ZNF558: variants seen among roughly 807,000 people sequenced by gnomAD.
The protein encoded by ZNF558 is zinc finger protein 558.
A neutral mutation model predicts 37.6 loss-of-function variants in ZNF558; 23 were observed. The observed-to-expected ratio is 0.61, with a 90% CI of 0.44 to 0.87. The LOEUF is 0.87. Ranked by LOEUF, ZNF558 falls within the 40% of genes least tolerant of loss-of-function variation. The pLI is 0.00. For missense variants in ZNF558, 429 were observed against 483.7 expected, an observed-to-expected ratio of 0.89 and a Z score of 1.06; for synonymous variants, 189 against 174.4, an observed-to-expected ratio of 1.08 and a Z score of -0.66.
upstream of ZNF558, among the ~76,000 whole-genome samples, chr19:8,836,780 A>G (rs1265925695): frequency 1.3e-5 from 2 of 152,174 alleles, no homozygotes; most frequent in Non-Finnish European, 2.9e-5. Flanking sequence ...GCATGACCCC[A>G]TCGTATCCAG....
Position 8,811,161 on chromosome 19 carries a change from T to A in ZNF558, c.*120A>T. The A allele has an allele frequency of 9.1e-7, 1 of 1,101,134 alleles. No individual in the cohort carries two copies. Among genetic ancestry groups the A allele is most frequent in the South Asian group, 1.8e-5 (1 of 55,924 alleles). The allele number at this position is 1,101,134 out of a possible 1,614,324, so 68.2% of individuals were successfully genotyped here. The stretch of plus-strand genomic sequence containing the variant: ...ACATTTCGTGTTTGAAGCCACAAAA[T>A]TTGCGGGGATCATTTGTTATGCTGC... On this transcript the variant is annotated 3_prime_UTR_variant, in exon 10 of 10. Coordinates refer to ENST00000601372, the MANE Select transcript of ZNF558 (RefSeq NM_144693.3).
chr19:8,807,543 C>T lies in ZNF558; in HGVS notation c.*3738G>A, dbSNP rs1199842177. 6.6e-6 allele frequency: 1 copy of T among 152,194 alleles called. No individual in the cohort carries two copies. The highest frequency in any genetic ancestry group is 6.6e-5 in the Admixed American group (1 of 15,266). 9.4% of individuals were successfully genotyped at this position (152,194 alleles called of 1,614,324 possible). ...ATCATCTTTTACTGCTCCCTCATCA[C>T]CCCTTTGTTCCACTCCAGCTGTATT... On this transcript the variant is annotated 3_prime_UTR_variant, in exon 10 of 10. Transcript: ENST00000601372.
intron 3 of ZNF558, among the ~76,000 whole-genome samples, 178 bp from the exon 4 acceptor site, chr19:8,824,595 G>A (rs555396359): frequency 6.6e-6 from 1 of 152,302 alleles, no homozygotes; most frequent in Admixed American, 6.5e-5. Context: ...GTTGCTGCCA[G>A]CACTGCAACC....
At chr19:8,829,463 A>G (rs1035666600) in intron 2 of ZNF558, among the ~76,000 whole-genome samples, 3 of 152,210 alleles carry the variant, frequency 2.0e-5, no homozygotes, top group Admixed American at 1.3e-4. Flanking sequence ...CTCAAGCTAA[A>G]TATCCTTCCC....
At chr19:8,821,144 G>A in intron 7 of ZNF558, 36 bp downstream of exon 7, 1 of 1,607,134 alleles carries the variant, frequency 6.2e-7, no homozygotes, top group Non-Finnish European at 8.5e-7. Context: ...TGCCACTGGA[G>A]TCATTAAATA....
At chr19:8,835,230 TTA>T (rs1258786691), upstream of ZNF558, among the ~76,000 whole-genome samples, 1 of 152,092 alleles carries the variant, frequency 6.6e-6, no homozygotes, top group Non-Finnish European at 1.5e-5. Flanking sequence ...TTTTGTATTT[TTA>T]GCAGAGAGAG....
At chr19:8,818,688 A>G (rs998249417) in intron 7 of ZNF558, among the ~76,000 whole-genome samples, 1 of 152,232 alleles carries the variant, frequency 6.6e-6, no homozygotes, top group Non-Finnish European at 1.5e-5. Context: ...AACTTACTAC[A>G]ATGTAACAAT....
In ZNF558 at chr19:8,810,928, T is replaced by C. The variant is rs1337622524; in HGVS notation, c.*353A>G. On this transcript the variant is annotated 3_prime_UTR_variant, in exon 10 of 10. Coordinates refer to ENST00000601372, the MANE Select transcript of ZNF558 (RefSeq NM_144693.3). Reference sequence around the variant, plus strand: ...GTAAAGAGGCCTACATGGTAATGACTGAAGGTCCCCTGACAACAACCAACA... The same window carrying C: ...GTAAAGAGGCCTACATGGTAATGACCGAAGGTCCCCTGACAACAACCAACA... The C allele has an allele frequency of 5.1e-6, 1 of 195,708 alleles. No individual in the cohort carries two copies. The highest frequency in any genetic ancestry group is 1.1e-4 in the South Asian group (1 of 9,170). The allele number at this position is 195,708 out of a possible 1,614,324, so 12.1% of individuals were successfully genotyped here.
rs1555767962 is a variant in ZNF558 at position 8,811,489 on chromosome 19, G to A, written c.1001C>T (p.Ser334Phe). The change falls in exon 10 of 10, where the codon TCT becomes TTT. Residue 334 changes from serine to phenylalanine, a missense_variant. By Grantham distance (155) the Ser-to-Phe change is radical. Coordinates refer to ENST00000601372, the MANE Select transcript of ZNF558 (RefSeq NM_144693.3). ...ECGKSFSSSF[S>F]LTVHKRIHTG... ...ATGTATTCTCTTGTGCACAGTAAGA[G>A]AAAAGCTACTGCTGAAGGATTTCCC... The A allele has an allele frequency of 6.2e-7, 1 of 1,614,082 alleles. No individual in the cohort carries two copies. Among genetic ancestry groups the A allele is most frequent in the African/African-American group, 1.3e-5 (1 of 75,046 alleles).
upstream of ZNF558, among the ~76,000 whole-genome samples, chr19:8,833,711 G>A (rs2044416354): frequency 6.6e-6 from 1 of 152,002 alleles, no homozygotes; most frequent in South Asian, 2.1e-4. Flanking sequence ...AGTGCTGGTT[G>A]GACCTGGTGG....
At position 8,810,383 on chromosome 19, in the gene ZNF558, G is replaced by A. The variant is rs1325366513; in HGVS notation, c.*898C>T. ...GTCTTAAGGGATGACTGTCACTGAA[G>A]CCTTCTGAGACCTTCACAGGTTTTC... On this transcript the variant is annotated 3_prime_UTR_variant, in exon 10 of 10. Coordinates refer to ENST00000601372, the MANE Select transcript of ZNF558 (RefSeq NM_144693.3). The A allele has an allele frequency of 6.6e-6, 1 of 152,120 alleles. No homozygotes were observed. The highest frequency in any genetic ancestry group is 2.4e-5 in the African/African-American group (1 of 41,426). The allele number at this position is 152,120 out of a possible 1,614,324, so 9.4% of individuals were successfully genotyped here. A position where few individuals can be genotyped will look rare whatever the true frequency, so the allele number is the denominator to read the frequency against.
rs782113492 is a variant in ZNF558, at chr19:8,811,651, G to A, written c.839C>T (p.Thr280Ile). Residue 280 changes from threonine (T) to isoleucine (I), a missense_variant, in exon 10 of 10, where the codon ACT becomes ATT. By Grantham distance (89) the Thr-to-Ile change is moderately conservative. Transcript: ENST00000601372. ...CCCTGTATGAATGCTATTGTGCCCA[G>A]TGAGAGAGGACCTTGTGCTGAAAGC... ...GKAFSTRSSLTGHNSIHTGEK... is the reference protein window; with the variant it reads ...GKAFSTRSSLIGHNSIHTGEK... The A allele has an allele frequency of 1.2e-6, 2 of 1,614,206 alleles. No homozygotes were observed. Among genetic ancestry groups the A allele is most frequent in the Non-Finnish European group, 1.7e-6 (2 of 1,180,040 alleles).
At position 8,811,456 on chromosome 19, in the gene ZNF558, T is replaced by A. The variant is rs782601160; in HGVS notation, c.1034A>T (p.Glu345Val). ...ACAGTCACTGCACTCGTAGGGTTTC[T>A]CTCCGGTATGTATTCTCTTGTGCAC... ...LTVHKRIHTG[E>V]KPYECSDCGK... is the part of the protein sequence containing the mutation. Residue 345 changes from glutamate (E) to valine (V), a missense_variant, in exon 10 of 10, where the codon GAG becomes GTG. Glu to Val is a moderately radical substitution (Grantham distance 121). Transcript: ENST00000601372. The A allele has an allele frequency of 6.2e-7, 1 of 1,614,140 alleles. No homozygotes were observed. Among genetic ancestry groups the A allele is most frequent in the Admixed American group, 1.7e-5 (1 of 60,018 alleles).
chr19:8,812,712 G>A, intron 8 of ZNF558, 69 bp from the exon 9 acceptor site: 5 of 990,096 alleles, frequency 5.1e-6, no homozygotes, highest in Non-Finnish European at 7.4e-6. Flanking sequence ...CATGAGTAAA[G>A]GCAGATTCTG....
At chr19:8,815,793 G>A (rs2043921256) in intron 7 of ZNF558, among the ~76,000 whole-genome samples, 1 of 150,664 alleles carries the variant, frequency 6.6e-6, no homozygotes, top group African/African-American at 2.5e-5. Flanking sequence ...CTGTCTCAAA[G>A]ATAAAGAGAG....
At chr19:8,812,192 TTGTA>T (rs2043811847) in intron 9 of ZNF558, 129 bp from the exon 10 acceptor site, 15 of 890,344 alleles carry the variant, frequency 1.7e-5, no homozygotes, top group Admixed American at 1.0e-4. Flanking sequence ...CTTTCAGTGG[TTGTA>T]TGTGATTTCT....
chr19:8,835,365 AAG>A (rs1353843796), upstream of ZNF558, among the ~76,000 whole-genome samples: 1 of 152,126 alleles, frequency 6.6e-6, no homozygotes, highest in East Asian at 1.9e-4. Context: ...AAAATGAACA[AAG>A]AGTTCGAATC....
intron 7 of ZNF558, among the ~76,000 whole-genome samples, chr19:8,814,184 ACC>A (rs2043870616): frequency 1.3e-5 from 2 of 152,170 alleles, no homozygotes; most frequent in Middle Eastern, 3.4e-3. Context: ...CTTTAAATGG[ACC>A]TCTTTCCCCT....
chr19:8,817,226 T>C (rs985422306), intron 7 of ZNF558, among the ~76,000 whole-genome samples: 4 of 152,192 alleles, frequency 2.6e-5, no homozygotes, highest in African/African-American at 9.6e-5. Context: ...AGAATGGATT[T>C]AAAAAATAAC....
Sources: gnomAD v4.1 joint callset for allele counts (sites outside exome capture counted in the v4.1 genomes callset) on GRCh38, gnomAD v4.1.1 for gene constraint, MANE v1.5 for transcripts, NCBI Gene and HGNC (gene_info 2026-07-23, HGNC 2026-07-21) for gene names.